ADGRL3: variants seen among roughly 807,000 people sequenced by gnomAD.
ADGRL3 encodes calcium-independent alpha-latrotoxin receptor 3.
A neutral mutation model predicts 153.5 loss-of-function variants in ADGRL3; 62 were observed. That is an observed-to-expected ratio of 0.40 (90% CI 0.33 to 0.50). The LOEUF (loss-of-function observed/expected upper bound fraction) is 0.50. ADGRL3 is among the 20% of genes least tolerant of loss of function. The probability of loss-of-function intolerance (pLI) is 0.47; values close to 1 mark genes in which losing one functional copy is unlikely to be tolerated. For synonymous variants in ADGRL3, 710 were observed against 672.5 expected (o/e 1.06, Z -0.86); for missense variants, 1,641 against 1,859.4 (o/e 0.88, Z 2.16).
intron 8 of ADGRL3, 42 bp downstream of exon 8, chr4:61,733,596 C>T: frequency 7.4e-7 from 1 of 1,356,770 alleles, no homozygotes; most frequent in East Asian, 2.3e-5. Flanking sequence ...GAAATATTTA[C>T]TGTTTGTTCT....
At chr4:61,957,447 G>A (rs186808105) in intron 17 of ADGRL3, among the ~76,000 whole-genome samples, 81 of 151,986 alleles carry the variant, frequency 5.3e-4, no homozygotes, top group African/African-American at 1.9e-3. Context: ...CCATCTCATA[G>A]TCCATAAATA....
At chr4:61,343,162 A>G (rs1182999843) in intron 1 of ADGRL3, among the ~76,000 whole-genome samples, 1 of 152,178 alleles carries the variant, frequency 6.6e-6, no homozygotes, top group East Asian at 1.9e-4. Flanking sequence ...TATTGGAGCT[A>G]CAATTCAAGA....
chr4:61,804,963 A>ATTATTT (rs2097538136), intron 8 of ADGRL3, among the ~76,000 whole-genome samples: 1 of 144,024 alleles, frequency 6.9e-6, no homozygotes, highest in Non-Finnish European at 1.5e-5. Flanking sequence ...TTATTTATTT[A>ATTATTT]TTTTTTTTTT....
intron 21 of ADGRL3, among the ~76,000 whole-genome samples, chr4:62,017,188 A>T (rs1281511996): frequency 6.6e-6 from 1 of 152,036 alleles, no homozygotes; most frequent in Non-Finnish European, 1.5e-5. Context: ...TTATTTATTT[A>T]TTTTGGTATT....
intron 2 of ADGRL3, among the ~76,000 whole-genome samples, chr4:61,403,948 CT>C (rs752671262): frequency 2.0e-5 from 3 of 151,912 alleles, no homozygotes; most frequent in Non-Finnish European, 4.4e-5. Flanking sequence ...CCTTACAACC[CT>C]TATCGTCTTA....
intron 1 of ADGRL3, among the ~76,000 whole-genome samples, chr4:61,340,971 G>T (rs2151130993): frequency 6.6e-6 from 1 of 151,914 alleles, no homozygotes; most frequent in South Asian, 2.1e-4. Context: ...ATGTAAATAT[G>T]CATTATTATA....
At chr4:61,627,049 T>A (rs1202454584) in intron 5 of ADGRL3, among the ~76,000 whole-genome samples, 1 of 152,118 alleles carries the variant, frequency 6.6e-6, no homozygotes. Context: ...TAATCTGGAT[T>A]TGCTCCTTTT....
intron 2 of ADGRL3, among the ~76,000 whole-genome samples, chr4:61,480,934 T>C (rs2098125891): frequency 6.6e-6 from 1 of 152,174 alleles, no homozygotes; most frequent in Non-Finnish European, 1.5e-5. Flanking sequence ...TCCAGAATTC[T>C]TATTTTCCAA....
intron 4 of ADGRL3, among the ~76,000 whole-genome samples, chr4:61,561,175 T>C (rs1426147685): frequency 2.0e-5 from 3 of 152,176 alleles, no homozygotes; most frequent in Non-Finnish European, 4.4e-5. Flanking sequence ...CAATGCTTCA[T>C]GTTTAATACC....
At chr4:61,758,963 T>C (rs1480044234) in intron 8 of ADGRL3, among the ~76,000 whole-genome samples, 1 of 152,192 alleles carries the variant, frequency 6.6e-6, no homozygotes, top group Non-Finnish European at 1.5e-5. Context: ...GGATATGAAA[T>C]TCTGGGTTGA....
chr4:61,393,590 TTTA>T (rs1217202702), intron 2 of ADGRL3, among the ~76,000 whole-genome samples: 1 of 152,064 alleles, frequency 6.6e-6, no homozygotes, highest in Admixed American at 6.6e-5. Context: ...AAACACAGGC[TTTA>T]TTATAAATTA....
chr4:61,582,618 C>T (rs776641046), intron 4 of ADGRL3, among the ~76,000 whole-genome samples: 1 of 151,272 alleles, frequency 6.6e-6, no homozygotes, highest in African/African-American at 2.4e-5. Context: ...TTGACTGGAT[C>T]GCTAAATATG....
intron 9 of ADGRL3, among the ~76,000 whole-genome samples, chr4:61,832,747 A>T (rs2097886653): frequency 6.6e-6 from 1 of 152,104 alleles, no homozygotes. Flanking sequence ...CTGAATATAT[A>T]ATCAATCACT....
intron 1 of ADGRL3, among the ~76,000 whole-genome samples, chr4:61,288,146 T>C (rs2094016746): frequency 6.6e-6 from 1 of 151,978 alleles, no homozygotes; most frequent in South Asian, 2.1e-4. Context: ...AAAACTGTTT[T>C]ATGCTTTCTC....
chr4:61,297,766 T>C (rs1177473530), intron 1 of ADGRL3, among the ~76,000 whole-genome samples: 3 of 151,926 alleles, frequency 2.0e-5, no homozygotes, highest in African/African-American at 7.3e-5. Flanking sequence ...AAATACCCTC[T>C]GGAATGTTAC....
intron 9 of ADGRL3, among the ~76,000 whole-genome samples, chr4:61,819,012 G>A (rs991610359): frequency 2.0e-5 from 3 of 152,082 alleles, no homozygotes; most frequent in Non-Finnish European, 4.4e-5. Flanking sequence ...GGTAGAGTTG[G>A]TATAATAATA....
intron 5 of ADGRL3, among the ~76,000 whole-genome samples, chr4:61,657,713 AAAC>A (rs2094479299): frequency 1.3e-5 from 2 of 152,206 alleles, no homozygotes; most frequent in Admixed American, 1.3e-4. Flanking sequence ...AGAAAAAAGC[AAAC>A]AACAATGAAA....
At chr4:61,369,888 T>C (rs2096486666) in intron 1 of ADGRL3, among the ~76,000 whole-genome samples, 1 of 152,144 alleles carries the variant, frequency 6.6e-6, no homozygotes, top group South Asian at 2.1e-4. Context: ...AAGCTATTGA[T>C]TATTGCCACA....
intron 4 of ADGRL3, among the ~76,000 whole-genome samples, chr4:61,533,278 G>T (rs2098634945): frequency 6.6e-6 from 1 of 152,140 alleles, no homozygotes; most frequent in Admixed American, 6.6e-5. Context: ...TTGTGATGTG[G>T]CAAGTGGGAT....
Sources: allele counts gnomAD v4.1 joint callset (sites outside exome capture counted in the v4.1 genomes callset), GRCh38; gene constraint gnomAD v4.1.1; transcripts MANE v1.5; gene names NCBI Gene and HGNC (gene_info 2026-07-23, HGNC 2026-07-21).